The following ARAP3 variants were observed in gnomAD, a reference collection of about 807,000 sequenced individuals.
ARAP3 encodes the protein arf-GAP with Rho-GAP domain, ANK repeat and PH domain-containing protein 3.
Under a neutral mutation model 169.2 loss-of-function variants are expected in ARAP3, and 82 were observed. The ratio of observed to expected loss-of-function variants is 0.48; its 90% CI spans 0.41 to 0.58. ARAP3 has a LOEUF of 0.58. ARAP3 is among the 20% of genes least tolerant of loss of function. The probability of loss-of-function intolerance (pLI) is 0.00; values close to 1 mark genes in which losing one functional copy is unlikely to be tolerated. For missense variants in ARAP3, 1,764 were observed against 2,018.0 expected (o/e 0.87, Z 2.41); for synonymous variants, 791 against 800.3 (o/e 0.99, Z 0.20).
rs2099908853 is a variant in ARAP3 at position 141,653,926 on chromosome 5, C to T, written c.*24G>A. On this transcript the variant is annotated 3_prime_UTR_variant, in exon 33 of 33. Coordinates refer to ENST00000239440, the MANE Select transcript of ARAP3 (RefSeq NM_022481.6). ...AGTTTCTGGGTCTTCTGGTACCTAC[C>T]CTCTCAGACTGCTGGTCCTAGGGTC... 1 of 1,510,812 alleles carries T rather than the reference C, an allele frequency of 6.6e-7. No homozygotes were observed. The highest frequency in any genetic ancestry group is 2.3e-5 in the East Asian group (1 of 43,792). 93.6% of individuals were successfully genotyped at this position (1,510,812 alleles called of 1,614,324 possible). A position where few individuals can be genotyped will look rare whatever the true frequency, so the allele number is the denominator to read the frequency against.
At position 141,666,635 on chromosome 5, in the gene ARAP3, G is replaced by A. The variant is rs1225994600; in HGVS notation, c.2361C>T (p.Ser787=). ...AWTSAVGKWF[S]PLSCHQLLGP... Reference sequence around the variant, plus strand: ...CCAGCAGCTGGTGGCAGCTCAGCGGGGAGAACCACTGTAGAGGCAGGGGGA... The same window carrying A: ...CCAGCAGCTGGTGGCAGCTCAGCGGAGAGAACCACTGTAGAGGCAGGGGGA... Residue 787 remains serine (S), a synonymous_variant, in exon 17 of 33, where the codon TCC becomes TCT. Coordinates refer to ENST00000239440, the MANE Select transcript of ARAP3 (RefSeq NM_022481.6). The A allele has an allele frequency of 4.9e-6, 7 of 1,423,012 alleles. No homozygotes were observed. The Admixed American group carries it at 1.2e-4, about 24-fold the overall frequency. The allele number at this position is 1,423,012 out of a possible 1,614,324, so 88.1% of individuals were successfully genotyped here. A position where few individuals can be genotyped will look rare whatever the true frequency, so the allele number is the denominator to read the frequency against.
In ARAP3 at chr5:141,670,617, C is replaced by T. The variant is rs1245238884; in HGVS notation, c.2002G>A (p.Gly668Ser). The change falls in exon 14 of 33, where the codon GGT becomes AGT. Residue 668 changes from glycine (G) to serine (S), a missense_variant. Around this residue, in one of 3 missense-constraint regions of ARAP3, gnomAD observed 1,112 missense variants for 1,285.7 expected, o/e 0.86. Coordinates refer to ENST00000239440, the MANE Select transcript of ARAP3 (RefSeq NM_022481.6). Reference protein sequence around the residue: ...PGLLPSDPSPGVYNEVVVRAT... With the variant: ...PGLLPSDPSPSVYNEVVVRAT... ...CGCACCACCACCTCATTGTACACAC[C>T]AGGGGAGGGGTCTGCAAGGGGAAGG... 1.9e-6 allele frequency: 3 copies of T among 1,613,688 alleles called. No homozygotes were observed. The South Asian group carries it at 3.3e-5, about 18-fold the overall frequency.
At chr5:141,655,156 T>TCA (rs149608722) in intron 32 of ARAP3, among the ~76,000 whole-genome samples, 6,839 of 133,428 alleles carry the variant, frequency 0.051, 309 homozygotes, top group Middle Eastern at 0.1. Flanking sequence ...TCTCTCTCTC[T>TCA]CACACACACA....
At chr5:141,673,221 T>C in intron 6 of ARAP3, 88 bp from the exon 7 acceptor site, 3 of 1,596,168 alleles carry the variant, frequency 1.9e-6, no homozygotes, top group Non-Finnish European at 2.6e-6. Context: ...TTTATAAGAT[T>C]GGCATTAAAT....
intron 21 of ARAP3, among the ~76,000 whole-genome samples, chr5:141,660,143 A>G (rs2099909736): frequency 6.6e-6 from 1 of 152,208 alleles, no homozygotes; most frequent in African/African-American, 2.4e-5. Flanking sequence ...TGCAGGACAG[A>G]CAGTCTCTGT....
chr5:141,662,180 C>G lies in ARAP3; in HGVS notation c.2876G>C (p.Arg959Pro). The change falls in exon 20 of 33, where the codon CGG (arginine) becomes CCG (proline). Residue 959 changes from arginine (R) to proline (P), a missense_variant. This residue lies in a region of ARAP3 where 1,112 missense variants were observed against 1,285.7 expected (regional missense o/e 0.86). Transcript: ENST00000239440. ...TCGGAGCTTCACCGACCGGGCATCC[C>G]GACGGAACTCAGCCAGGAGTCTCAG... ...RSLRLLAEFRRDARSVKLRPG... is the reference protein window; with the variant it reads ...RSLRLLAEFRPDARSVKLRPG... 1 of 1,614,236 alleles carries G rather than the reference C, an allele frequency of 6.2e-7. No individual in the cohort carries two copies. Among genetic ancestry groups the G allele is most frequent in the Non-Finnish European group, 8.5e-7 (1 of 1,180,048 alleles).
In ARAP3 at chr5:141,682,222, G is replaced by A. The variant is rs977993167; in HGVS notation, c.-67C>T. The A allele has an allele frequency of 3.3e-5, 5 of 152,280 alleles. No homozygotes were observed. The highest frequency in any genetic ancestry group is 1.3e-4 in the Admixed American group (2 of 15,276). 9.4% of individuals were successfully genotyped at this position (152,280 alleles called of 1,614,324 possible). A position where few individuals can be genotyped will look rare whatever the true frequency, so the allele number is the denominator to read the frequency against. ...CGCGGGTGCCCGCCGCTCGTCCGAG[G>A]TTCTGGGTCCCGCCGCGCCGGCCCC... On this transcript the variant is annotated 5_prime_UTR_variant, in exon 1 of 33. Transcript: ENST00000239440.
intron 19 of ARAP3, among the ~76,000 whole-genome samples, chr5:141,663,306 C>G (rs2099910214): frequency 6.6e-6 from 1 of 152,066 alleles, no homozygotes; most frequent in Non-Finnish European, 1.5e-5. Flanking sequence ...CAGATTCTTT[C>G]TTTTTAATTG....
Position 141,659,418 on chromosome 5 carries a change from T to C in ARAP3, c.3326A>G (p.Lys1109Arg). The change falls in exon 23 of 33, where the codon AAG becomes AGG. Residue 1109 changes from lysine to arginine, a missense_variant. By Grantham distance (26) the Lys-to-Arg change is conservative. Around this residue, in one of 3 missense-constraint regions of ARAP3, gnomAD observed 1,112 missense variants for 1,285.7 expected, o/e 0.86. Coordinates refer to ENST00000239440, the MANE Select transcript of ARAP3 (RefSeq NM_022481.6). ...DLEVSLITTW[K>R]DVQLSQAGDL... ...GTCAGGACGAGTTACCTGCACGTCC[T>C]TCCAGGTGGTGATAAGACTGACCTC... The C allele has an allele frequency of 6.2e-7, 1 of 1,614,152 alleles. No homozygotes were observed. The highest frequency in any genetic ancestry group is 8.5e-7 in the Non-Finnish European group (1 of 1,179,972).
intron 4 of ARAP3, among the ~76,000 whole-genome samples, chr5:141,676,755 G>C (rs888559315): frequency 2.0e-5 from 3 of 152,114 alleles, no homozygotes; most frequent in Admixed American, 6.6e-5. Flanking sequence ...AGTGCACAAG[G>C]GCTTTGATCT....
At chr5:141,661,650 G>C in intron 21 of ARAP3, 34 bp downstream of exon 21, 1 of 1,570,412 alleles carries the variant, frequency 6.4e-7, no homozygotes, top group Non-Finnish European at 8.7e-7. Flanking sequence ...ATTGAAGTGA[G>C]GAAGGGTTCT....
chr5:141,663,419 A>T (rs916058773), intron 19 of ARAP3, among the ~76,000 whole-genome samples: 1 of 152,190 alleles, frequency 6.6e-6, no homozygotes, highest in African/African-American at 2.4e-5. Context: ...CCTCCTGGGT[A>T]GCTGGGATTA....
intron 16 of ARAP3, among the ~76,000 whole-genome samples, chr5:141,668,673 G>A (rs1363493649): frequency 6.6e-6 from 1 of 152,196 alleles, no homozygotes; most frequent in Non-Finnish European, 1.5e-5. Context: ...TGGAGACAAT[G>A]TGTTAGTGTG....
chr5:141,665,478 C>A, intron 17 of ARAP3, 104 bp from the exon 18 acceptor site: 1 of 1,215,866 alleles, frequency 8.2e-7, no homozygotes, highest in Admixed American at 2.0e-5. Context: ...AGGAGCATTA[C>A]AAAAAACGTT....
intron 3 of ARAP3, 37 bp from the exon 4 acceptor site, chr5:141,679,693 G>T: frequency 6.2e-7 from 1 of 1,613,816 alleles, no homozygotes. Context: ...AGGAAGAGGA[G>T]ATCGCTGGGA....
At chr5:141,665,665 G>A (rs1370247291) in intron 17 of ARAP3, among the ~76,000 whole-genome samples, 3 of 152,028 alleles carry the variant, frequency 2.0e-5, no homozygotes, top group East Asian at 1.9e-4. Context: ...TCCTCTTTTA[G>A]GAGAAAGGAA....
chr5:141,670,587 T>C lies in ARAP3; in HGVS notation c.2032A>G (p.Thr678Ala), dbSNP rs2099911288. 2 of 1,613,984 alleles carry C rather than the reference T, an allele frequency of 1.2e-6. No individual in the cohort carries two copies. Among genetic ancestry groups the C allele is most frequent in the Non-Finnish European group, 8.5e-7 (1 of 1,179,934 alleles). ...GVYNEVVVRATYSGFLYCSPV... is the reference protein window; with the variant it reads ...GVYNEVVVRAAYSGFLYCSPV... ...CTGCAGTACAGGAAGCCGCTGTAAGTAGCACGCACCACCACCTCATTGTAC... is the reference window on the plus strand; with the variant it reads ...CTGCAGTACAGGAAGCCGCTGTAAGCAGCACGCACCACCACCTCATTGTAC... Residue 678 changes from threonine (T) to alanine (A), a missense_variant, in exon 14 of 33, where the codon ACT becomes GCT. Physicochemically the swap from Thr to Ala is moderately conservative, Grantham distance 58. Coordinates refer to ENST00000239440, the MANE Select transcript of ARAP3 (RefSeq NM_022481.6).
At chr5:141,655,256 A>ACACT (rs1378420520) in intron 32 of ARAP3, 106 bp downstream of exon 32, 1 of 1,148,784 alleles carries the variant, frequency 8.7e-7, no homozygotes, top group African/African-American at 1.7e-5. Context: ...ACACACACAC[A>ACACT]CACCCCCTGA....
Position 141,666,499 on chromosome 5 carries a change from A to G in ARAP3, c.2497T>C (p.Phe833Leu). Residue 833 changes from phenylalanine to leucine, a missense_variant, in exon 17 of 33, where the codon TTC (phenylalanine) becomes CTC (leucine). This residue lies in a region of ARAP3 where 1,112 missense variants were observed against 1,285.7 expected (regional missense o/e 0.86). Transcript: ENST00000239440. ...CCTGGGCCCGGCGCTGAGCACAGGA[A>G]GAGGTGGTCACCACGAAGGAGGCCA... is the stretch of plus-strand genomic sequence containing the variant. ...GFGLLRGDHL[F>L]LCSAPGPGPP... is the part of the protein sequence containing the mutation. 6.2e-7 allele frequency: 1 copy of G among 1,604,114 alleles called. No homozygotes were observed. Among genetic ancestry groups the G allele is most frequent in the South Asian group, 1.1e-5 (1 of 89,126 alleles).
Sources: allele counts gnomAD v4.1 joint callset (sites outside exome capture counted in the v4.1 genomes callset), GRCh38; gene constraint gnomAD v4.1.1; regional missense constraint gnomAD v4.1.1; transcripts MANE v1.5; gene names NCBI Gene and HGNC (gene_info 2026-07-23, HGNC 2026-07-21).